Variants in FAF1 observed in about 807,000 individuals in gnomAD.
The protein encoded by FAF1 is FAS-associated factor 1.
A neutral mutation model predicts 92.5 loss-of-function variants in FAF1; 25 were observed. The ratio of observed to expected loss-of-function variants is 0.27; its 90% CI spans 0.20 to 0.38. The LOEUF (loss-of-function observed/expected upper bound fraction) is 0.38. Ranked by LOEUF, FAF1 falls within the 10% of genes least tolerant of loss-of-function variation. FAF1 has a pLI of 1.00. For synonymous variants in FAF1, 234 were observed against 273.2 expected, an observed-to-expected ratio of 0.86 and a Z score of 1.42; for missense variants, 636 against 793.3, an observed-to-expected ratio of 0.80 and a Z score of 2.38.
At chr1:50,893,359 C>T (rs189419174) in intron 1 of FAF1, among the ~76,000 whole-genome samples, 48 of 152,282 alleles carry the variant, frequency 3.2e-4, no homozygotes, top group African/African-American at 8.2e-4. Flanking sequence ...GAAAGAACTT[C>T]GGTGTTGTGA....
intron 4 of FAF1, among the ~76,000 whole-genome samples, chr1:50,773,225 G>GACTGCATC (rs1207735472): frequency 6.6e-6 from 1 of 152,240 alleles, no homozygotes; most frequent in Non-Finnish European, 1.5e-5. Context: ...AGTGGGGCAT[G>GACTGCATC]ACTGCATCAC....
chr1:50,756,263 TCTC>T (rs943812727), intron 4 of FAF1, among the ~76,000 whole-genome samples: 2 of 150,740 alleles, frequency 1.3e-5, no homozygotes, highest in South Asian at 4.1e-4. Flanking sequence ...CCCTAAATCA[TCTC>T]CTCAAGTTCA....
At chr1:50,832,104 T>C (rs1315247085) in intron 2 of FAF1, among the ~76,000 whole-genome samples, 1 of 152,068 alleles carries the variant, frequency 6.6e-6, no homozygotes, top group Non-Finnish European at 1.5e-5. Context: ...TTCTACATCA[T>C]GGTGAGTTGT....
intron 18 of FAF1, among the ~76,000 whole-genome samples, chr1:50,462,039 A>G (rs1468630027): frequency 6.8e-6 from 1 of 147,156 alleles, no homozygotes; most frequent in African/African-American, 2.5e-5. Context: ...TATATTATAT[A>G]TTAATACCAA....
In FAF1 at chr1:50,518,610, T is replaced by G. The variant is rs564763970; in HGVS notation, c.1494+16759A>C. The stretch of plus-strand genomic sequence containing the variant: ...TGCCTCCCACCACGTCTGGCTAATT[T>G]TTTGTATTTTTAGTAGAGACGGAGT... On this transcript the variant is annotated intron_variant, in intron 15 of 18. Coordinates refer to ENST00000396153, the MANE Select transcript of FAF1 (RefSeq NM_007051.3). 2.0e-5 allele frequency among the ~76,000 whole-genome samples: 3 copies of G among 152,120 alleles called. No individual in the cohort carries two copies. The East Asian group carries it at 5.8e-4, about 30-fold the overall frequency.
intron 4 of FAF1, chr1:50,780,614 C>A (rs1557524283): frequency 5.0e-6 from 1 of 201,686 alleles, no homozygotes; most frequent in Non-Finnish European, 1.0e-5. Context: ...TGTAACTGCA[C>A]ATCCTCTTCC....
chr1:50,624,224 T>C (rs1186221835), intron 8 of FAF1, among the ~76,000 whole-genome samples: 1 of 152,156 alleles, frequency 6.6e-6, no homozygotes, highest in African/African-American at 2.4e-5. Context: ...CTCAGCTCAC[T>C]GCAACCTTCA....
chr1:50,754,050 C>T (rs1480899268), intron 4 of FAF1, among the ~76,000 whole-genome samples: 1 of 152,048 alleles, frequency 6.6e-6, no homozygotes, highest in Non-Finnish European at 1.5e-5. Flanking sequence ...ACCACTGTGC[C>T]CAGCCTATCT....
At chr1:50,770,848 CAACTTCA>C (rs1472136990) in intron 4 of FAF1, among the ~76,000 whole-genome samples, 1 of 152,134 alleles carries the variant, frequency 6.6e-6, no homozygotes, top group African/African-American at 2.4e-5. Context: ...CCACATTACC[CAACTTCA>C]AACTATACTA....
chr1:50,698,096 A>T (rs1657309861), intron 7 of FAF1, among the ~76,000 whole-genome samples: 3 of 152,214 alleles, frequency 2.0e-5, no homozygotes, highest in Admixed American at 6.5e-5. Context: ...GGTCCAGCTT[A>T]TATTTATGAG....
chr1:50,952,252 C>T (rs991266223), intron 1 of FAF1, among the ~76,000 whole-genome samples: 2 of 152,160 alleles, frequency 1.3e-5, no homozygotes, highest in African/African-American at 2.4e-5. Context: ...GGATTGCAGG[C>T]GCGCGCCGCC....
chr1:50,820,205 G>C (rs1644031229), intron 2 of FAF1, among the ~76,000 whole-genome samples: 1 of 152,034 alleles, frequency 6.6e-6, no homozygotes, highest in African/African-American at 2.4e-5. Context: ...AAAAGTTCTG[G>C]AGATTTTTTT....
chr1:50,466,373 T>G (rs1646496013), intron 18 of FAF1, among the ~76,000 whole-genome samples: 1 of 152,168 alleles, frequency 6.6e-6, no homozygotes, highest in African/African-American at 2.4e-5. Context: ...AATCAGGAAT[T>G]AAGTTCTGAC....
chr1:50,568,407 A>G (rs1557998521), intron 12 of FAF1, among the ~76,000 whole-genome samples: 1 of 152,164 alleles, frequency 6.6e-6, no homozygotes, highest in East Asian at 1.9e-4. Context: ...AAGGCTAATG[A>G]AATCTGATGT....
At chr1:50,481,385 G>C (rs1055557140) in intron 17 of FAF1, among the ~76,000 whole-genome samples, 4 of 152,082 alleles carry the variant, frequency 2.6e-5, no homozygotes, top group African/African-American at 9.7e-5. Flanking sequence ...CCTTTGTACT[G>C]TACCTTTTTA....
At chr1:50,834,317 T>A (rs1644181683) in intron 2 of FAF1, among the ~76,000 whole-genome samples, 1 of 152,192 alleles carries the variant, frequency 6.6e-6, no homozygotes, top group South Asian at 2.1e-4. Context: ...CAGTTAGTTC[T>A]TTATAGCAAT....
At chr1:50,813,187 C>T (rs1006230145) in intron 2 of FAF1, among the ~76,000 whole-genome samples, 1 of 151,726 alleles carries the variant, frequency 6.6e-6, no homozygotes, top group Non-Finnish European at 1.5e-5. Flanking sequence ...TATAAGAAAC[C>T]TGCACATGTA....
chr1:50,788,090 T>A lies in FAF1; in HGVS notation c.277A>T (p.Ile93Phe), dbSNP rs200776711. The part of the protein sequence containing the change: ...AFRPVMPSRQ[I>F]VERQPRMLDF... ...AGCATCCGAGGTTGCCTTTCTACAATCTGCCTGGATGGCATTACAGGTCGA... is the reference window on the plus strand; with the variant it reads ...AGCATCCGAGGTTGCCTTTCTACAAACTGCCTGGATGGCATTACAGGTCGA... The change falls in exon 4 of 19, where the codon ATT becomes TTT. Residue 93 changes from isoleucine to phenylalanine, a missense_variant. Coordinates refer to ENST00000396153, the MANE Select transcript of FAF1 (RefSeq NM_007051.3). 9.3e-6 allele frequency: 15 copies of A among 1,614,042 alleles called. No homozygotes were observed. The highest frequency in any genetic ancestry group is 1.2e-5 in the Non-Finnish European group (14 of 1,180,016).
chr1:50,928,745 T>C (rs1645025298), intron 1 of FAF1, among the ~76,000 whole-genome samples: 1 of 135,636 alleles, frequency 7.4e-6, no homozygotes, highest in Non-Finnish European at 1.5e-5. Context: ...ATCACGCCAT[T>C]GGACTCCAGC....
Sources: allele counts gnomAD v4.1 joint callset (sites outside exome capture counted in the v4.1 genomes callset), GRCh38; gene constraint gnomAD v4.1.1; transcripts MANE v1.5; gene names NCBI Gene and HGNC (gene_info 2026-07-23, HGNC 2026-07-21).